FBXL17: variants seen among roughly 807,000 people sequenced by gnomAD.
The protein encoded by FBXL17 is F-box/LRR-repeat protein 17.
In FBXL17, 22 loss-of-function variants were observed where a neutral mutation model predicts 66.2. The ratio of observed to expected loss-of-function variants is 0.33; its 90% CI spans 0.24 to 0.47. FBXL17 has a LOEUF of 0.47. Among genes scored for constraint, FBXL17 ranks in the 20% least tolerant of loss-of-function variants. The probability of loss-of-function intolerance (pLI) is 1.00; values close to 1 mark genes in which losing one functional copy is unlikely to be tolerated. For synonymous variants in FBXL17, 474 were observed against 400.5 expected (o/e 1.18, Z -2.19); for missense variants, 878 against 948.2 (o/e 0.93, Z 0.97).
At chr5:108,247,924 AC>A (rs779022020) in intron 4 of FBXL17, among the ~76,000 whole-genome samples, 2 of 152,212 alleles carry the variant, frequency 1.3e-5, no homozygotes. Context: ...TATTTATAAA[AC>A]AAACACATGA....
intron 7 of FBXL17, among the ~76,000 whole-genome samples, chr5:107,907,373 A>G (rs368621403): frequency 6.6e-6 from 1 of 152,316 alleles, no homozygotes; most frequent in South Asian, 2.1e-4. Context: ...CCACAAACAC[A>G]TACATACGGG....
intron 4 of FBXL17, among the ~76,000 whole-genome samples, chr5:108,227,605 A>G (rs1342034524): frequency 6.6e-6 from 1 of 152,218 alleles, no homozygotes; most frequent in Non-Finnish European, 1.5e-5. Flanking sequence ...ACCTATGCTG[A>G]ACAGATATTG....
intron 7 of FBXL17, among the ~76,000 whole-genome samples, chr5:107,909,998 A>C (rs191554470): frequency 5.3e-5 from 8 of 152,272 alleles, no homozygotes; most frequent in African/African-American, 1.9e-4. Context: ...TAGAAAAGTA[A>C]AGTCACTAAA....
chr5:108,308,460 A>C (rs1437605971), intron 4 of FBXL17, among the ~76,000 whole-genome samples: 2 of 152,158 alleles, frequency 1.3e-5, no homozygotes, highest in Non-Finnish European at 2.9e-5. Flanking sequence ...AATTCAAACC[A>C]GTACTATCGT....
rs184248266 is a variant in FBXL17 at position 108,014,702 on chromosome 5, T to C, written c.1822+6223A>G. On this transcript the variant is annotated intron_variant, in intron 7 of 8. Transcript: ENST00000542267. ...AAAAGATTAATAATTAAATACCAAA[T>C]TTTGGGTGAAAAATCATTTCCATTA... Among the ~76,000 whole-genome samples, 12 of 152,282 alleles carry C rather than the reference T, an allele frequency of 7.9e-5. No individual in the cohort carries two copies. The East Asian group carries it at 2.3e-3, about 29-fold the overall frequency.
chr5:108,381,011 A>ACCGCCGCCG lies in FBXL17; in HGVS notation c.672_680dup (p.Gly229_Gly231dup), dbSNP rs906102490. On this transcript the variant is annotated inframe_insertion, in exon 1 of 9. Transcript: ENST00000542267. ...CTCCCCCCGCAGGCCCTCCCCCGCC[A>ACCGCCGCCG]CCGCCGCCGCCGCCGCCGCCGCAGC... 1.4e-4 allele frequency: 163 copies of ACCGCCGCCG among 1,180,588 alleles called. No homozygotes were observed. Among genetic ancestry groups the ACCGCCGCCG allele is most frequent in the Non-Finnish European group, 1.5e-4 (147 of 954,830 alleles). 73.1% of individuals were successfully genotyped at this position (1,180,588 alleles called of 1,614,324 possible).
chr5:107,896,870 A>G (rs1561521836), intron 7 of FBXL17, among the ~76,000 whole-genome samples: 1 of 151,964 alleles, frequency 6.6e-6, no homozygotes, highest in Non-Finnish European at 1.5e-5. Context: ...TTTTTGTGAA[A>G]TACTACACAT....
At position 107,881,175 on chromosome 5, in the gene FBXL17, C is replaced by T; in HGVS notation, c.1827G>A (p.Leu609=). The T allele has an allele frequency of 6.2e-7, 1 of 1,601,118 alleles. No individual in the cohort carries two copies. Among genetic ancestry groups the T allele is most frequent in the South Asian group, 1.1e-5 (1 of 89,306 alleles). The change falls in exon 8 of 9, where the codon CTG becomes CTA. Residue 609 remains leucine, a synonymous_variant. Transcript: ENST00000542267. ...TCATGCTGTATCGCCCAATGGCTATCAGTGCTGCAAGAAGGGACGCAGAGA... is the reference window on the plus strand; with the variant it reads ...TCATGCTGTATCGCCCAATGGCTATTAGTGCTGCAAGAAGGGACGCAGAGA... ...LVSCKITDYA[L]IAIGRYSMTI...
At chr5:108,219,928 C>CTTTTTTTTTTTTTTTTTT in intron 5 of FBXL17, among the ~76,000 whole-genome samples, 23 of 37,438 alleles carry the variant, frequency 6.1e-4, no homozygotes, top group East Asian at 1.4e-3. Context: ...TTACTATTTC[C>CTTTTTTTTTTTTTTTTTT]TTTTTTTTTT....
intron 6 of FBXL17, among the ~76,000 whole-genome samples, chr5:108,167,548 A>G (rs1485835788): frequency 6.6e-6 from 1 of 152,234 alleles, no homozygotes; most frequent in Non-Finnish European, 1.5e-5. Context: ...TGCAAGCTCT[A>G]TTCACAGGTA....
At chr5:108,245,432 A>G (rs1390126560) in intron 4 of FBXL17, among the ~76,000 whole-genome samples, 1 of 152,220 alleles carries the variant, frequency 6.6e-6, no homozygotes, top group Non-Finnish European at 1.5e-5. Flanking sequence ...TTACATATTC[A>G]TGTTAACATT....
rs79582576 is a variant in FBXL17, at chr5:108,255,607, C to T, written c.1507-31379G>A. On this transcript the variant is annotated intron_variant, in intron 4 of 8. Transcript: ENST00000542267. ...TAATCTCAGGAGTCCTCTGGGCTTGCGTCCAAGGAAAAACTGACCAGATCC... is the reference window on the plus strand; with the variant it reads ...TAATCTCAGGAGTCCTCTGGGCTTGTGTCCAAGGAAAAACTGACCAGATCC... Among the ~76,000 whole-genome samples, 545 of 152,168 alleles carry T rather than the reference C, an allele frequency of 3.6e-3. 4 individuals are homozygous for T. Among genetic ancestry groups the T allele is most frequent in the African/African-American group, 0.013 (528 of 41,510 alleles).
At chr5:108,120,686 A>C (rs963042135) in intron 6 of FBXL17, among the ~76,000 whole-genome samples, 3 of 152,088 alleles carry the variant, frequency 2.0e-5, no homozygotes, top group Non-Finnish European at 4.4e-5. Flanking sequence ...CATAAAAATC[A>C]GCCAGGCCTG....
At chr5:107,980,615 C>T (rs1243260033) in intron 7 of FBXL17, among the ~76,000 whole-genome samples, 1 of 136,020 alleles carries the variant, frequency 7.4e-6, no homozygotes, top group Non-Finnish European at 1.5e-5. Flanking sequence ...AGATTACAGG[C>T]GTTGAGCCAC....
chr5:107,932,671 T>A (rs1225931663), intron 7 of FBXL17, among the ~76,000 whole-genome samples: 1 of 152,138 alleles, frequency 6.6e-6, no homozygotes, highest in Non-Finnish European at 1.5e-5. Context: ...ATCAAAGACA[T>A]TCTTAAAAAA....
chr5:108,350,015 T>C (rs1478070432), intron 3 of FBXL17, among the ~76,000 whole-genome samples: 1 of 152,218 alleles, frequency 6.6e-6, no homozygotes, highest in Non-Finnish European at 1.5e-5. Flanking sequence ...TTTTCATTAG[T>C]AGTCATCATG....
At chr5:108,100,571 C>T (rs895419425) in intron 6 of FBXL17, among the ~76,000 whole-genome samples, 6 of 152,094 alleles carry the variant, frequency 3.9e-5, no homozygotes, top group Admixed American at 3.9e-4. Flanking sequence ...ACTCTTTATA[C>T]CCTACCAGGA....
chr5:107,939,884 C>T (rs1318239727), intron 7 of FBXL17, among the ~76,000 whole-genome samples: 1 of 152,132 alleles, frequency 6.6e-6, no homozygotes, highest in African/African-American at 2.4e-5. Flanking sequence ...ATGCACACTT[C>T]ATTGACTATA....
intron 4 of FBXL17, among the ~76,000 whole-genome samples, chr5:108,285,256 C>T (rs576812807): frequency 1.2e-4 from 18 of 151,790 alleles, no homozygotes; most frequent in Non-Finnish European, 2.5e-4. Context: ...CAAAGTCATT[C>T]AAGAGAGTTG....
Sources: gnomAD v4.1 joint callset for allele counts (sites outside exome capture counted in the v4.1 genomes callset) on GRCh38, gnomAD v4.1.1 for gene constraint, MANE v1.5 for transcripts, NCBI Gene and HGNC (gene_info 2026-07-23, HGNC 2026-07-21) for gene names.